Variants in PIP5K1B observed in about 807,000 individuals in gnomAD.
The protein encoded by PIP5K1B is phosphatidylinositol 4-phosphate 5-kinase type-1 beta.
In PIP5K1B, 42 loss-of-function variants were observed where a neutral mutation model predicts 67.0. That is an observed-to-expected ratio of 0.63 (90% CI 0.49 to 0.81). The LOEUF (loss-of-function observed/expected upper bound fraction) is 0.81. PIP5K1B is among the 30% of genes least tolerant of loss of function. PIP5K1B has a pLI of 0.00. For synonymous variants in PIP5K1B, 214 were observed against 231.4 expected (o/e 0.92, Z 0.68); for missense variants, 459 against 646.3 (o/e 0.71, Z 3.14).
chr9:68,951,248 C>T (rs1828051876), intron 14 of PIP5K1B, among the ~76,000 whole-genome samples: 1 of 152,084 alleles, frequency 6.6e-6, no homozygotes, highest in Non-Finnish European at 1.5e-5. Flanking sequence ...TTAAAAATGA[C>T]CAGATTTGTT....
intron 2 of PIP5K1B, among the ~76,000 whole-genome samples, chr9:68,777,429 GAGTA>G (rs1393324406): frequency 6.6e-6 from 1 of 152,238 alleles, no homozygotes; most frequent in Non-Finnish European, 1.5e-5. Context: ...AATAAAAACA[GAGTA>G]AGGGGCATGC....
intron 14 of PIP5K1B, among the ~76,000 whole-genome samples, chr9:68,952,536 A>G (rs1828133384): frequency 6.6e-6 from 1 of 152,230 alleles, no homozygotes; most frequent in Non-Finnish European, 1.5e-5. Context: ...CATTTTCCAG[A>G]AGAAAATCCT....
At chr9:68,807,868 T>C (rs1336931815) in intron 2 of PIP5K1B, among the ~76,000 whole-genome samples, 2 of 152,186 alleles carry the variant, frequency 1.3e-5, no homozygotes, top group African/African-American at 2.4e-5. Context: ...AAAGATATAA[T>C]ATTGTGAAGT....
chr9:68,817,709 A>G (rs1048141729), intron 2 of PIP5K1B, among the ~76,000 whole-genome samples: 15 of 132,646 alleles, frequency 1.1e-4, no homozygotes, highest in Non-Finnish European at 1.9e-4. Context: ...ATAAGACCTC[A>G]TTCTTTTTTT....
Position 68,876,878 on chromosome 9 carries a change from GTC to G in PIP5K1B, c.318+89_318+90del, listed in dbSNP as rs1200306432. ...ATAGCAACAGCAACAAGTGGCTTGT[GTC>G]TCTCATTTTATAAAGCTCTGGGGCG... On this transcript the variant is annotated intron_variant, in intron 6 of 15. Transcript: ENST00000265382. 2.2e-5 allele frequency: 17 copies of G among 755,722 alleles called. No homozygotes were observed. The African/African-American group carries it at 2.4e-4, about 11-fold the overall frequency. The allele number at this position is 755,722 out of a possible 1,614,324, so 46.8% of individuals were successfully genotyped here.
At chr9:68,795,168 C>CGTGT (rs144440033) in intron 2 of PIP5K1B, among the ~76,000 whole-genome samples, 1 of 150,382 alleles carries the variant, frequency 6.6e-6, no homozygotes, top group Admixed American at 6.6e-5. Context: ...AGAGAGAGAG[C>CGTGT]GTGTGTGTGT....
chr9:68,828,146 C>A (rs1564166537), intron 4 of PIP5K1B, among the ~76,000 whole-genome samples: 1 of 152,200 alleles, frequency 6.6e-6, no homozygotes, highest in Non-Finnish European at 1.5e-5. Context: ...CTGCCATTTG[C>A]CTTTCTTCTT....
chr9:68,856,245 C>T (rs901710376), intron 4 of PIP5K1B, among the ~76,000 whole-genome samples: 1 of 152,132 alleles, frequency 6.6e-6, no homozygotes, highest in South Asian at 2.1e-4. Context: ...TTCAGGTCCC[C>T]GAACCTTACT....
At chr9:68,977,342 G>A (rs187040292) in intron 14 of PIP5K1B, among the ~76,000 whole-genome samples, 58 of 152,200 alleles carry the variant, frequency 3.8e-4, no homozygotes, top group Non-Finnish European at 5.3e-4. Flanking sequence ...GCCAACCTGG[G>A]GAAATCCCAT....
At chr9:68,971,666 G>A (rs1444825902) in intron 14 of PIP5K1B, among the ~76,000 whole-genome samples, 2 of 152,188 alleles carry the variant, frequency 1.3e-5, no homozygotes, top group African/African-American at 4.8e-5. Context: ...GTTGTTTCCT[G>A]ACATTTTAAT....
intron 2 of PIP5K1B, chr9:68,789,703 G>T: frequency 3.7e-6 from 1 of 271,818 alleles, no homozygotes; most frequent in Non-Finnish European, 7.1e-6. Context: ...AGAAAGGAAA[G>T]CCTTTTTCAG....
intron 4 of PIP5K1B, among the ~76,000 whole-genome samples, chr9:68,827,762 A>G (rs1834064262): frequency 6.6e-6 from 1 of 152,188 alleles, no homozygotes; most frequent in African/African-American, 2.4e-5. Flanking sequence ...GGAACTAGGG[A>G]AGTTTGGGAA....
At chr9:68,981,989 A>G (rs939763010) in intron 14 of PIP5K1B, among the ~76,000 whole-genome samples, 19 of 152,300 alleles carry the variant, frequency 1.2e-4, no homozygotes, top group African/African-American at 3.9e-4. Context: ...TGTTTTTACA[A>G]GGGAAGAACA....
intron 4 of PIP5K1B, among the ~76,000 whole-genome samples, chr9:68,826,607 G>A (rs762838582): frequency 6.6e-6 from 1 of 152,162 alleles, no homozygotes; most frequent in Non-Finnish European, 1.5e-5. Context: ...AAGAAAAAAG[G>A]AGGATGCAAA....
chr9:68,896,715 G>C (rs1460754814), intron 8 of PIP5K1B, among the ~76,000 whole-genome samples: 1 of 152,190 alleles, frequency 6.6e-6, no homozygotes, highest in Non-Finnish European at 1.5e-5. Flanking sequence ...TCCCTGATCT[G>C]TCCTGACCAT....
intron 5 of PIP5K1B, among the ~76,000 whole-genome samples, chr9:68,873,388 A>T (rs991957837): frequency 9.2e-4 from 138 of 150,240 alleles, no homozygotes; most frequent in African/African-American, 3.2e-3. Context: ...CCTGGGCTCA[A>T]GCGATCCTTC....
chr9:68,972,412 G>A lies in PIP5K1B; in HGVS notation c.1503-18728G>A, dbSNP rs180677517. ...ATTGTTAATAATGGGCGATCGAGGC[G>A]GGTGGATCACCTGAGGTCAGGAGTT... On this transcript the variant is annotated intron_variant, in intron 14 of 15. Transcript: ENST00000265382. Among the ~76,000 whole-genome samples, 855 of 152,204 alleles carry A rather than the reference G, an allele frequency of 5.6e-3. 7 individuals carry two copies. Among genetic ancestry groups the A allele is most frequent in the Middle Eastern group, 0.051 (15 of 294 alleles).
chr9:68,731,914 G>A (rs1161709969), intron 1 of PIP5K1B, among the ~76,000 whole-genome samples: 2 of 152,204 alleles, frequency 1.3e-5, no homozygotes, highest in Non-Finnish European at 2.9e-5. Context: ...ATTTCAGGAA[G>A]CATTTTATAA....
intron 1 of PIP5K1B, among the ~76,000 whole-genome samples, chr9:68,714,534 A>C (rs149337273): frequency 6.6e-6 from 1 of 152,258 alleles, no homozygotes; most frequent in Non-Finnish European, 1.5e-5. Context: ...CCCATATTGT[A>C]ACCAGGGCAC....
Sources: gnomAD v4.1 joint callset for allele counts (sites outside exome capture counted in the v4.1 genomes callset) on GRCh38, gnomAD v4.1.1 for gene constraint, MANE v1.5 for transcripts, NCBI Gene and HGNC (gene_info 2026-07-23, HGNC 2026-07-21) for gene names.